ATF7IP2: variants seen among roughly 807,000 people sequenced by gnomAD.
ATF7IP2 encodes the protein activating transcription factor 7-interacting protein 2.
A neutral mutation model predicts 64.2 loss-of-function variants in ATF7IP2; 42 were observed. The ratio of observed to expected loss-of-function variants is 0.65; its 90% CI spans 0.51 to 0.85. ATF7IP2 has a LOEUF of 0.85. Among genes scored for constraint, ATF7IP2 ranks in the 40% least tolerant of loss-of-function variants. The pLI is 0.00. For synonymous variants in ATF7IP2, 308 were observed against 272.8 expected (o/e 1.13, Z -1.27); for missense variants, 933 against 784.2 (o/e 1.19, Z -2.27).
chr16:10,440,920 G>A (rs2048596963), intron 8 of ATF7IP2, among the ~76,000 whole-genome samples: 1 of 152,040 alleles, frequency 6.6e-6, no homozygotes, highest in South Asian at 2.1e-4. Flanking sequence ...CCCCCTGACA[G>A]GCCCTGGTGT....
chr16:10,477,893 C>T (rs1324723245), intron 12 of ATF7IP2, among the ~76,000 whole-genome samples: 2 of 148,908 alleles, frequency 1.3e-5, no homozygotes, highest in Non-Finnish European at 3.0e-5. Context: ...TGAGTGAACT[C>T]CCATTCGCAA....
chr16:10,391,619 C>T (rs140174662), intron 1 of ATF7IP2, among the ~76,000 whole-genome samples: 2,747 of 151,980 alleles, frequency 0.018, 77 homozygotes, highest in African/African-American at 0.062. Flanking sequence ...AGAATGAGGC[C>T]GGGTGCAGTG....
chr16:10,388,130 A>G (rs1456253672), intron 1 of ATF7IP2, among the ~76,000 whole-genome samples: 3 of 152,136 alleles, frequency 2.0e-5, no homozygotes, highest in African/African-American at 7.2e-5. Flanking sequence ...ACCTCAGGTG[A>G]TCAGCCCGCC....
In ATF7IP2 at chr16:10,426,939, A is replaced by G. The variant is rs1023924316; in HGVS notation, c.-159-1929A>G. 4.2e-5 allele frequency among the ~76,000 whole-genome samples: 6 copies of G among 142,594 alleles called. No homozygotes were observed. The South Asian group carries it at 1.4e-3, about 32-fold the overall frequency. The allele number at this position is 142,594 out of a possible 152,430, so 93.5% of individuals were successfully genotyped here. A position where few individuals can be genotyped will look rare whatever the true frequency, so the allele number is the denominator to read the frequency against. On this transcript the variant is annotated intron_variant, in intron 3 of 13. Transcript: ENST00000562102. ...GTGATCTCGGCTCACTGCAACCTCC[A>G]TCTCCCGGGTTCAAGCGATTCTCTT...
intron 1 of ATF7IP2, among the ~76,000 whole-genome samples, chr16:10,412,377 C>T (rs1015936237): frequency 6.6e-6 from 1 of 152,092 alleles, no homozygotes; most frequent in Non-Finnish European, 1.5e-5. Flanking sequence ...GGTTGTATCT[C>T]TATTGTCATT....
chr16:10,407,489 T>C (rs2047667306), intron 1 of ATF7IP2, among the ~76,000 whole-genome samples: 1 of 152,124 alleles, frequency 6.6e-6, no homozygotes, highest in African/African-American at 2.4e-5. Context: ...TCCTAAACAA[T>C]ACACCAAAAC....
At chr16:10,418,318 C>T (rs955739209) in intron 2 of ATF7IP2, among the ~76,000 whole-genome samples, 2 of 152,186 alleles carry the variant, frequency 1.3e-5, no homozygotes, top group Non-Finnish European at 1.5e-5. Flanking sequence ...TCAGCGTGGG[C>T]ATCATAGCTA....
At chr16:10,434,259 C>T (rs748425898) in intron 6 of ATF7IP2, among the ~76,000 whole-genome samples, 5 of 152,152 alleles carry the variant, frequency 3.3e-5, no homozygotes, top group Non-Finnish European at 5.9e-5. Flanking sequence ...CAATTGTTAG[C>T]TGAAGTGTAT....
chr16:10,467,341 A>C (rs1209547294), intron 9 of ATF7IP2, among the ~76,000 whole-genome samples: 1 of 152,176 alleles, frequency 6.6e-6, no homozygotes, highest in Non-Finnish European at 1.5e-5. Context: ...AATTTGAAGT[A>C]CTGTAGCTTC....
At chr16:10,458,940 G>A (rs11648743) in intron 9 of ATF7IP2, among the ~76,000 whole-genome samples, 118,352 of 151,434 alleles carry the variant, frequency 0.78, 46,835 homozygotes, top group African/African-American at 0.92. Flanking sequence ...AATCCCAGCA[G>A]TTTGGGAGGC....
chr16:10,410,767 A>G (rs2047743267), intron 1 of ATF7IP2, among the ~76,000 whole-genome samples: 1 of 152,110 alleles, frequency 6.6e-6, no homozygotes, highest in Non-Finnish European at 1.5e-5. Context: ...TCAGTATGTT[A>G]TTGGTCTTTC....
chr16:10,474,440 T>C (rs556020899), intron 12 of ATF7IP2, among the ~76,000 whole-genome samples: 43 of 152,264 alleles, frequency 2.8e-4, no homozygotes, highest in African/African-American at 9.6e-4. Context: ...TTGGGGACTT[T>C]TACACATTTA....
At chr16:10,455,784 T>C (rs1231858852) in intron 8 of ATF7IP2, among the ~76,000 whole-genome samples, 2 of 152,150 alleles carry the variant, frequency 1.3e-5, no homozygotes, top group East Asian at 1.9e-4. Flanking sequence ...AAACAAACTT[T>C]TGATAGAAAT....
chr16:10,411,514 G>T (rs2047759560), intron 1 of ATF7IP2, among the ~76,000 whole-genome samples: 1 of 151,990 alleles, frequency 6.6e-6, no homozygotes, highest in Non-Finnish European at 1.5e-5. Flanking sequence ...GGGATTACAG[G>T]CGTGTGCCAC....
chr16:10,480,436 C>T (rs1330150905), intron 12 of ATF7IP2, among the ~76,000 whole-genome samples: 1 of 151,910 alleles, frequency 6.6e-6, no homozygotes, highest in African/African-American at 2.4e-5. Flanking sequence ...ACATTTTATG[C>T]CTAATTCCTT....
rs367653001 is a variant in ATF7IP2, at chr16:10,433,652, A to C, written c.960+3A>C. The C allele has an allele frequency of 9.9e-6, 16 of 1,612,636 alleles. No individual in the cohort carries two copies. Among genetic ancestry groups the C allele is most frequent in the Non-Finnish European group, 1.4e-5 (16 of 1,179,334 alleles). Reference sequence around the variant, plus strand: ...GGCAAACAGCATTCCTGGAACAGGTAAAATATTGGGGCTTAAATGGAACTT... The same window carrying C: ...GGCAAACAGCATTCCTGGAACAGGTCAAATATTGGGGCTTAAATGGAACTT... On this transcript the variant is annotated splice_donor_region_variant and intron_variant, in intron 6 of 13. Coordinates refer to ENST00000562102, the MANE Select transcript of ATF7IP2 (RefSeq NM_001393719.1).
intron 7 of ATF7IP2, among the ~76,000 whole-genome samples, chr16:10,439,987 C>T (rs976758688): frequency 1.3e-5 from 2 of 151,564 alleles, no homozygotes; most frequent in Admixed American, 6.6e-5. Context: ...ATGGAGAAAC[C>T]CCGTCACTAC....
intron 1 of ATF7IP2, among the ~76,000 whole-genome samples, chr16:10,405,882 CAG>C (rs1212735831): frequency 6.6e-6 from 1 of 152,108 alleles, no homozygotes. Context: ...CACTTGAAGT[CAG>C]GAGTTCATAA....
At chr16:10,444,777 G>A (rs529685393) in intron 8 of ATF7IP2, among the ~76,000 whole-genome samples, 12 of 152,282 alleles carry the variant, frequency 7.9e-5, no homozygotes, top group Non-Finnish European at 1.5e-4. Context: ...TAGAGTTTGA[G>A]TAAGCCCTTT....
Sources: allele counts gnomAD v4.1 joint callset (sites outside exome capture counted in the v4.1 genomes callset), GRCh38; gene constraint gnomAD v4.1.1; transcripts MANE v1.5; gene names NCBI Gene and HGNC (gene_info 2026-07-23, HGNC 2026-07-21).